Variants in ATF6 observed in about 807,000 individuals in gnomAD.
ATF6 encodes the protein activating transcription factor 6.
ATF6 carries 53 observed loss-of-function variants against 83.6 expected under a neutral mutation model. The ratio of observed to expected loss-of-function variants is 0.63; its 90% CI spans 0.51 to 0.80. The LOEUF is 0.80. ATF6 is among the 30% of genes least tolerant of loss of function. The pLI is 0.00. For synonymous variants in ATF6, 288 were observed against 285.8 expected, an observed-to-expected ratio of 1.01 and a Z score of -0.08; for missense variants, 744 against 797.9, an observed-to-expected ratio of 0.93 and a Z score of 0.81.
chr1:161,869,788 A>G (rs1239039877), intron 14 of ATF6, among the ~76,000 whole-genome samples: 1 of 151,782 alleles, frequency 6.6e-6, no homozygotes. Flanking sequence ...TCCATTTTCT[A>G]TTTCACTTTA....
chr1:161,917,837 T>A (rs574768043), intron 15 of ATF6, among the ~76,000 whole-genome samples: 1 of 152,294 alleles, frequency 6.6e-6, no homozygotes, highest in African/African-American at 2.4e-5. Flanking sequence ...TCAAAAGGTT[T>A]TAGATTTTGG....
chr1:161,772,472 A>G (rs1156520534), intron 1 of ATF6, among the ~76,000 whole-genome samples: 1 of 152,192 alleles, frequency 6.6e-6, no homozygotes, highest in Non-Finnish European at 1.5e-5. Flanking sequence ...TTGAATCAGA[A>G]GAGAACTTCT....
intron 6 of ATF6, among the ~76,000 whole-genome samples, chr1:161,793,761 G>T (rs1684941039): frequency 6.6e-6 from 1 of 152,178 alleles, no homozygotes; most frequent in Admixed American, 6.6e-5. Context: ...CCTATAATAA[G>T]AAGACAAACT....
intron 15 of ATF6, among the ~76,000 whole-genome samples, chr1:161,928,718 A>G (rs1571243337): frequency 1.3e-5 from 2 of 152,314 alleles, no homozygotes; most frequent in South Asian, 4.1e-4. Context: ...CTTTCAAAAC[A>G]AAACATAGCA....
chr1:161,947,448 G>A (rs903085224), intron 15 of ATF6, among the ~76,000 whole-genome samples: 15 of 152,224 alleles, frequency 9.9e-5, no homozygotes, highest in African/African-American at 3.6e-4. Context: ...TGTAAGGACA[G>A]AGAGGGAAGC....
At chr1:161,888,449 C>T (rs1290464687) in intron 14 of ATF6, among the ~76,000 whole-genome samples, 1 of 151,998 alleles carries the variant, frequency 6.6e-6, no homozygotes, top group Non-Finnish European at 1.5e-5. Flanking sequence ...TCTAAATTCC[C>T]CTAGCTTGAA....
chr1:161,946,115 C>T (rs1688742622), intron 15 of ATF6, among the ~76,000 whole-genome samples: 1 of 152,098 alleles, frequency 6.6e-6, no homozygotes, highest in African/African-American at 2.4e-5. Context: ...AGGTGTTAGC[C>T]TCCTGAGTAG....
At chr1:161,930,754 C>G (rs1266934878) in intron 15 of ATF6, among the ~76,000 whole-genome samples, 1 of 152,090 alleles carries the variant, frequency 6.6e-6, no homozygotes, top group Non-Finnish European at 1.5e-5. Flanking sequence ...ATAAAAATTA[C>G]ACCATATTTA....
At chr1:161,861,046 G>T (rs1686875526) in intron 13 of ATF6, among the ~76,000 whole-genome samples, 1 of 152,144 alleles carries the variant, frequency 6.6e-6, no homozygotes, top group Non-Finnish European at 1.5e-5. Context: ...TCTACAAAAT[G>T]CTGGCTGCAC....
intron 6 of ATF6, among the ~76,000 whole-genome samples, chr1:161,794,011 A>T (rs913851178): frequency 6.6e-6 from 1 of 152,008 alleles, no homozygotes; most frequent in Non-Finnish European, 1.5e-5. Flanking sequence ...GGTTCAAGTG[A>T]TTCTCCTGCT....
intron 7 of ATF6, among the ~76,000 whole-genome samples, chr1:161,803,974 C>A (rs1685217762): frequency 6.8e-6 from 1 of 146,248 alleles, no homozygotes. Flanking sequence ...GTATGTCTCC[C>A]AGTGCTATCC....
At position 161,766,331 on chromosome 1, in the gene ATF6, AC is replaced by A; in HGVS notation, c.-29del. The A allele has an allele frequency of 6.2e-7, 1 of 1,601,702 alleles. No homozygotes were observed. Among genetic ancestry groups the A allele is most frequent in the Non-Finnish European group, 8.5e-7 (1 of 1,169,826 alleles). On this transcript the variant is annotated 5_prime_UTR_variant, in exon 1 of 16. Transcript: ENST00000367942. The stretch of plus-strand genomic sequence containing the variant: ...GCCGCCGCCGTCCCAGATATTAATC[AC>A]GGAGTTCCAGGGAGAAGGAACTTGT...
In ATF6 at chr1:161,792,261, G is replaced by A; in HGVS notation, c.622G>A (p.Val208Ile). 1 of 1,614,094 alleles carries A rather than the reference G, an allele frequency of 6.2e-7. No individual in the cohort carries two copies. The highest frequency in any genetic ancestry group is 8.5e-7 in the Non-Finnish European group (1 of 1,180,002). ...AGCAAAAACCATCATTATTCAGACA[G>A]TACCAACGCTTATGCCATTGGCAAA... ...VPAKTIIIQTVPTLMPLAKQQ... is the reference protein window; with the variant it reads ...VPAKTIIIQTIPTLMPLAKQQ... The change falls in exon 6 of 16, where the codon GTA becomes ATA. Residue 208 changes from valine to isoleucine, a missense_variant. Physicochemically the swap from Val to Ile is conservative, Grantham distance 29 (BLOSUM62 3). Coordinates refer to ENST00000367942, the MANE Select transcript of ATF6 (RefSeq NM_007348.4).
Position 161,802,078 on chromosome 1 carries a change from A to G in ATF6, c.715A>G (p.Thr239Ala), listed in dbSNP as rs141611945. ...KGQTVLLSQP[T>A]VVQLQAPGVL... Reference sequence around the variant, plus strand: ...CCAGACGGTTTTGCTGTCTCAGCCTACTGTGGTACAACTTCAAGCACCTGG... The same window carrying G: ...CCAGACGGTTTTGCTGTCTCAGCCTGCTGTGGTACAACTTCAAGCACCTGG... Residue 239 changes from threonine to alanine, a missense_variant, in exon 7 of 16, where the codon ACT becomes GCT. Thr to Ala is a moderately conservative substitution (Grantham distance 58). Coordinates refer to ENST00000367942, the MANE Select transcript of ATF6 (RefSeq NM_007348.4). 8.5e-4 allele frequency: 1,367 copies of G among 1,614,044 alleles called. 13 individuals carry two copies. In the African/African-American group the frequency reaches 0.013, roughly 16 times the overall value.
intron 14 of ATF6, among the ~76,000 whole-genome samples, chr1:161,885,664 G>T (rs1380117439): frequency 6.6e-6 from 1 of 151,798 alleles, no homozygotes; most frequent in Non-Finnish European, 1.5e-5. Flanking sequence ...TTTGCTAGTC[G>T]GCTTCTGTCT....
chr1:161,773,141 T>C (rs890112706), intron 1 of ATF6, among the ~76,000 whole-genome samples: 2 of 120,272 alleles, frequency 1.7e-5, no homozygotes, highest in Non-Finnish European at 3.4e-5. Flanking sequence ...ACTTTTTGTA[T>C]TTTTTTTTTT....
chr1:161,853,197 TTTAA>T (rs1306885532), intron 11 of ATF6, 23 bp from the exon 12 acceptor site: 1 of 1,393,700 alleles, frequency 7.2e-7, no homozygotes, highest in Non-Finnish European at 9.9e-7. Flanking sequence ...AATTTCTATG[TTTAA>T]TTAATTAAAC....
chr1:161,887,514 GC>G (rs1470783736), intron 14 of ATF6, among the ~76,000 whole-genome samples: 1 of 152,174 alleles, frequency 6.6e-6, no homozygotes, highest in Non-Finnish European at 1.5e-5. Flanking sequence ...ACCCATCAGA[GC>G]ATCAGAGTTT....
At chr1:161,839,161 A>G (rs1686294551) in intron 9 of ATF6, among the ~76,000 whole-genome samples, 1 of 152,098 alleles carries the variant, frequency 6.6e-6, no homozygotes, top group Non-Finnish European at 1.5e-5. Flanking sequence ...AAGTTTATTT[A>G]TTTGTTTATT....
Sources: gnomAD v4.1 joint callset for allele counts (sites outside exome capture counted in the v4.1 genomes callset) on GRCh38, gnomAD v4.1.1 for gene constraint, MANE v1.5 for transcripts, NCBI Gene and HGNC (gene_info 2026-07-23, HGNC 2026-07-21) for gene names.